Variants in NRG3 observed in about 807,000 individuals in gnomAD.
NRG3 encodes pro-neuregulin-3, membrane-bound isoform.
Under a neutral mutation model 66.9 loss-of-function variants are expected in NRG3, and 31 were observed. The observed-to-expected ratio is 0.46, with a 90% CI of 0.35 to 0.63. The LOEUF (loss-of-function observed/expected upper bound fraction) is 0.63. Ranked by LOEUF, NRG3 falls within the 20% of genes least tolerant of loss-of-function variation. NRG3 has a pLI of 0.00. For synonymous variants in NRG3, 393 were observed against 359.4 expected, an observed-to-expected ratio of 1.09 and a Z score of -1.06; for missense variants, 910 against 878.9, an observed-to-expected ratio of 1.04 and a Z score of -0.45.
At chr10:82,313,085 G>A (rs939981336) in intron 1 of NRG3, among the ~76,000 whole-genome samples, 7 of 152,046 alleles carry the variant, frequency 4.6e-5, no homozygotes, top group Non-Finnish European at 8.8e-5. Context: ...GGCTGAGGTG[G>A]GACGATTCCT....
At chr10:82,881,103 G>C (rs1215460553) in intron 4 of NRG3, among the ~76,000 whole-genome samples, 1 of 152,184 alleles carries the variant, frequency 6.6e-6, no homozygotes, top group Admixed American at 6.6e-5. Context: ...ATACTAAACT[G>C]TTCCCAAATT....
rs1157151970 is a variant in NRG3, at chr10:82,827,287, A to G, written c.1028-38124A>G. 2.0e-5 allele frequency: 7 copies of G among 347,740 alleles called. No homozygotes were observed. In the East Asian group the frequency reaches 5.8e-4, roughly 29 times the overall value. The allele number at this position is 347,740 out of a possible 1,614,324, so 21.5% of individuals were successfully genotyped here. A position where few individuals can be genotyped will look rare whatever the true frequency, so the allele number is the denominator to read the frequency against. On this transcript the variant is annotated intron_variant, in intron 3 of 8. Transcript: ENST00000372141. ...CAAAGACTGGAACAACAACAAAAAG[A>G]AAACAAAGGCAACAGCACACAGATG... is the stretch of plus-strand genomic sequence containing the variant.
At chr10:82,854,133 T>G (rs2063696230) in intron 3 of NRG3, among the ~76,000 whole-genome samples, 3 of 152,206 alleles carry the variant, frequency 2.0e-5, no homozygotes, top group Admixed American at 2.0e-4. Context: ...CCTAATTAAT[T>G]ATGATATAGA....
At chr10:82,854,980 T>C (rs1375020619) in intron 3 of NRG3, among the ~76,000 whole-genome samples, 1 of 152,150 alleles carries the variant, frequency 6.6e-6, no homozygotes, top group Admixed American at 6.5e-5. Context: ...CTTGATCCTT[T>C]GGGTAGCCTT....
intron 3 of NRG3, among the ~76,000 whole-genome samples, chr10:82,790,872 G>A (rs1017519835): frequency 2.0e-5 from 3 of 151,144 alleles, no homozygotes; most frequent in African/African-American, 7.3e-5. Context: ...AACCCCTCTA[G>A]TGAACTTATT....
At chr10:82,314,875 G>T (rs1358719367) in intron 1 of NRG3, among the ~76,000 whole-genome samples, 1 of 152,040 alleles carries the variant, frequency 6.6e-6, no homozygotes, top group Admixed American at 6.6e-5. Flanking sequence ...GCTGCCCCAG[G>T]TTCTGTCCCA....
At chr10:82,720,454 C>G (rs987379843) in intron 2 of NRG3, among the ~76,000 whole-genome samples, 1 of 151,864 alleles carries the variant, frequency 6.6e-6, no homozygotes, top group African/African-American at 2.4e-5. Context: ...TGTAAGTGCT[C>G]AAGAGCAACA....
intron 2 of NRG3, among the ~76,000 whole-genome samples, chr10:82,495,170 C>A (rs188565028): frequency 5.3e-5 from 8 of 152,076 alleles, no homozygotes; most frequent in African/African-American, 1.9e-4. Flanking sequence ...CTCCTGACCT[C>A]GTGATCTGCC....
At chr10:82,236,775 G>A (rs915035185) in intron 1 of NRG3, among the ~76,000 whole-genome samples, 1 of 145,382 alleles carries the variant, frequency 6.9e-6, no homozygotes, top group African/African-American at 2.6e-5. Context: ...GAGTGCAGTG[G>A]TGCGATCTCC....
At chr10:82,559,981 G>T (rs1049172747) in intron 2 of NRG3, among the ~76,000 whole-genome samples, 1 of 151,808 alleles carries the variant, frequency 6.6e-6, no homozygotes, top group African/African-American at 2.4e-5. Flanking sequence ...TATATAGTAA[G>T]TCAGTTGTAA....
intron 1 of NRG3, among the ~76,000 whole-genome samples, chr10:82,338,656 A>G (rs2082517989): frequency 6.6e-6 from 1 of 152,236 alleles, no homozygotes; most frequent in Admixed American, 6.5e-5. Flanking sequence ...TTGATGCTCA[A>G]TAAATATGTG....
At chr10:82,454,411 A>G (rs1266672781) in intron 2 of NRG3, among the ~76,000 whole-genome samples, 1 of 152,204 alleles carries the variant, frequency 6.6e-6, no homozygotes, top group Non-Finnish European at 1.5e-5. Context: ...TTAGAAACAA[A>G]GAATGGAGAA....
At chr10:82,066,348 A>T (rs2064461708) in intron 1 of NRG3, among the ~76,000 whole-genome samples, 1 of 152,154 alleles carries the variant, frequency 6.6e-6, no homozygotes, top group Non-Finnish European at 1.5e-5. Flanking sequence ...TTTTCAATGT[A>T]CATATGTGCA....
chr10:82,865,215 A>G (rs999402953), intron 3 of NRG3, among the ~76,000 whole-genome samples, 196 bp from the exon 4 acceptor site: 5 of 152,154 alleles, frequency 3.3e-5, no homozygotes, highest in Admixed American at 6.5e-5. Flanking sequence ...TGGGGGAAAT[A>G]CTCATCAGTG....
intron 5 of NRG3, chr10:82,955,181 A>T (rs1242598615): frequency 6.6e-6 from 1 of 151,872 alleles, no homozygotes; most frequent in Non-Finnish European, 1.5e-5. Context: ...GCATGGCATG[A>T]CTTCATCAGA....
At chr10:82,590,155 G>A (rs2046897876) in intron 2 of NRG3, among the ~76,000 whole-genome samples, 1 of 152,146 alleles carries the variant, frequency 6.6e-6, no homozygotes, top group Non-Finnish European at 1.5e-5. Context: ...AGTCTGTGAA[G>A]GAAACCCAAC....
chr10:82,126,223 A>G (rs2068440786), intron 1 of NRG3, among the ~76,000 whole-genome samples: 1 of 152,180 alleles, frequency 6.6e-6, no homozygotes, highest in African/African-American at 2.4e-5. Flanking sequence ...TAAATTAAAT[A>G]TCATAAGGTT....
chr10:82,068,962 AAAC>A (rs1485066801), intron 1 of NRG3, among the ~76,000 whole-genome samples: 2 of 152,246 alleles, frequency 1.3e-5, no homozygotes, highest in African/African-American at 4.8e-5. Context: ...TCAACCACCA[AAAC>A]AAGAATTGTA....
chr10:82,694,015 C>T (rs2055165509), intron 2 of NRG3, among the ~76,000 whole-genome samples: 1 of 152,198 alleles, frequency 6.6e-6, no homozygotes, highest in East Asian at 1.9e-4. Flanking sequence ...CTGATTAGTC[C>T]ATTTTACAGA....
Sources: gnomAD v4.1 joint callset for allele counts (sites outside exome capture counted in the v4.1 genomes callset) on GRCh38, gnomAD v4.1.1 for gene constraint, MANE v1.5 for transcripts, NCBI Gene and HGNC (gene_info 2026-07-23, HGNC 2026-07-21) for gene names.